The following GRIN2A variants were observed in gnomAD, a reference collection of about 807,000 sequenced individuals.
The protein encoded by GRIN2A is glutamate receptor ionotropic, NMDA 2A.
In GRIN2A, 22 loss-of-function variants were observed where a neutral mutation model predicts 113.4. The observed-to-expected ratio is 0.19, with a 90% confidence interval of 0.14 to 0.28. GRIN2A has a LOEUF of 0.28. Among genes scored for constraint, GRIN2A ranks in the 10% least tolerant of loss-of-function variants. The pLI is 1.00. For synonymous variants in GRIN2A, 827 were observed against 738.4 expected (o/e 1.12, Z -1.94); for missense variants, 1,502 against 1,887.0 (o/e 0.80, Z 3.78).
chr16:9,765,770 A>G (rs1471827851), intron 12 of GRIN2A, among the ~76,000 whole-genome samples: 1 of 152,170 alleles, frequency 6.6e-6, no homozygotes, highest in East Asian at 1.9e-4. Flanking sequence ...GAGTCTATTC[A>G]ATGTAGTTAG....
chr16:10,157,152 G>A (rs994973658), intron 2 of GRIN2A, among the ~76,000 whole-genome samples: 1 of 152,174 alleles, frequency 6.6e-6, no homozygotes, highest in Non-Finnish European at 1.5e-5. Context: ...TGGAATCAAA[G>A]CTCAGGTGGA....
chr16:9,797,126 A>C (rs2141226663), intron 11 of GRIN2A, among the ~76,000 whole-genome samples: 1 of 152,304 alleles, frequency 6.6e-6, no homozygotes, highest in East Asian at 1.9e-4. Flanking sequence ...GCCTATTTTG[A>C]TATTGCATTT....
intron 2 of GRIN2A, among the ~76,000 whole-genome samples, chr16:10,096,341 G>C (rs1487528685): frequency 6.6e-6 from 1 of 152,100 alleles, no homozygotes; most frequent in East Asian, 1.9e-4. Flanking sequence ...ACCACCCGGA[G>C]ACTTGTAACA....
intron 2 of GRIN2A, among the ~76,000 whole-genome samples, chr16:10,154,201 A>T (rs2049642053): frequency 6.6e-6 from 1 of 152,156 alleles, no homozygotes; most frequent in Non-Finnish European, 1.5e-5. Flanking sequence ...GCCATGCTCC[A>T]TCTGGGCCCA....
rs1900545212 is a variant in GRIN2A, at chr16:9,760,712, T to G, written c.*2437A>C. ...GTGGCATTTGGCAGCCCCCTGGGTTTAGAGGACACCAGAGGAAGACAGAAA... is the reference window on the plus strand; with the variant it reads ...GTGGCATTTGGCAGCCCCCTGGGTTGAGAGGACACCAGAGGAAGACAGAAA... On this transcript the variant is annotated 3_prime_UTR_variant, in exon 13 of 13. Coordinates refer to ENST00000330684, the MANE Select transcript of GRIN2A (RefSeq NM_001134407.3). 8.8e-6 allele frequency: 2 copies of G among 227,422 alleles called. No homozygotes were observed. The highest frequency in any genetic ancestry group is 1.7e-5 in the Non-Finnish European group (2 of 114,492). 14.1% of individuals were successfully genotyped at this position (227,422 alleles called of 1,614,324 possible).
At chr16:9,919,745 CTG>C (rs1280630859) in intron 3 of GRIN2A, among the ~76,000 whole-genome samples, 10 of 152,338 alleles carry the variant, frequency 6.6e-5, no homozygotes, top group African/African-American at 1.9e-4. Flanking sequence ...ATCGTGGTCT[CTG>C]AGGACCTAGA....
Position 9,761,374 on chromosome 16 carries a change from G to A in GRIN2A, c.*1775C>T, listed in dbSNP as rs150995003. ...CTTCAAGAATGTAAAGCAGAATGCA[G>A]GAGGAAACCAGGAAATGGCCAGGCG... On this transcript the variant is annotated 3_prime_UTR_variant, in exon 13 of 13. Transcript: ENST00000330684. 3 of 230,532 alleles carry A rather than the reference G, an allele frequency of 1.3e-5. No individual in the cohort carries two copies. Among genetic ancestry groups the A allele is most frequent in the Non-Finnish European group, 2.6e-5 (3 of 116,366 alleles). The allele number at this position is 230,532 out of a possible 1,614,324, so 14.3% of individuals were successfully genotyped here.
At chr16:9,996,745 A>G (rs2046230604) in intron 2 of GRIN2A, among the ~76,000 whole-genome samples, 1 of 152,196 alleles carries the variant, frequency 6.6e-6, no homozygotes, top group Admixed American at 6.5e-5. Flanking sequence ...ACACTACAGC[A>G]CCTAGCACAT....
chr16:9,765,143 A>G (rs1900835635), intron 12 of GRIN2A, among the ~76,000 whole-genome samples, 195 bp from the exon 13 acceptor site: 1 of 152,194 alleles, frequency 6.6e-6, no homozygotes, highest in Non-Finnish European at 1.5e-5. Context: ...GGTTTATCTT[A>G]TTGCTCTGGC....
At chr16:9,767,394 ATTTT>A (rs1046504024) in intron 12 of GRIN2A, among the ~76,000 whole-genome samples, 14 of 152,220 alleles carry the variant, frequency 9.2e-5, no homozygotes, top group Admixed American at 7.8e-4. Flanking sequence ...ATAAAATTAG[ATTTT>A]TATTTATTTA....
chr16:9,822,344 A>G lies in GRIN2A; in HGVS notation c.2088T>C (p.Asn696=), dbSNP rs1362853238. 2 of 1,611,724 alleles carry G rather than the reference A, an allele frequency of 1.2e-6. No individual in the cohort carries two copies. Among genetic ancestry groups the G allele is most frequent in the Non-Finnish European group, 1.7e-6 (2 of 1,177,928 alleles). ...PNGSTERNIR[N]NYPYMHQYMT... is the part of the protein sequence containing the mutation. ...TGTACTGATGCATGTAGGGATAGTT[A>G]TTCCGAATGTTTCTCTCCGTGCTTC... is the stretch of plus-strand genomic sequence containing the variant. The change falls in exon 10 of 13, where the codon AAT becomes AAC. Residue 696 remains asparagine, a synonymous_variant. Transcript: ENST00000330684.
At chr16:9,840,885 C>T (rs2042664615) in intron 6 of GRIN2A, 51 bp downstream of exon 6, 1 of 1,602,900 alleles carries the variant, frequency 6.2e-7, no homozygotes, top group African/African-American at 1.3e-5. Context: ...TTCCTGAGGA[C>T]TGCAGGCCCT....
chr16:9,971,641 G>A (rs928825874), intron 2 of GRIN2A, among the ~76,000 whole-genome samples: 1 of 152,184 alleles, frequency 6.6e-6, no homozygotes, highest in Non-Finnish European at 1.5e-5. Flanking sequence ...TGACATGTCA[G>A]TCTAACTTTA....
At chr16:9,804,502 C>A (rs1179033866) in intron 10 of GRIN2A, among the ~76,000 whole-genome samples, 1 of 151,984 alleles carries the variant, frequency 6.6e-6, no homozygotes, top group African/African-American at 2.4e-5. Context: ...ACCCAGGTAC[C>A]AGGGTTGTGT....
chr16:9,852,944 A>G (rs9934168), intron 4 of GRIN2A, among the ~76,000 whole-genome samples: 4,301 of 152,342 alleles, frequency 0.028, 193 homozygotes, highest in African/African-American at 0.096. Flanking sequence ...GTTTGCTTGC[A>G]TGAAATTTTT....
chr16:10,122,244 G>C (rs2142185170), intron 2 of GRIN2A, among the ~76,000 whole-genome samples: 1 of 152,260 alleles, frequency 6.6e-6, no homozygotes, highest in East Asian at 1.9e-4. Flanking sequence ...AAAAAACTCT[G>C]GCTACAGGAG....
chr16:9,806,427 A>AC (rs979974602), intron 10 of GRIN2A, among the ~76,000 whole-genome samples: 12 of 151,938 alleles, frequency 7.9e-5, no homozygotes, highest in Non-Finnish European at 1.5e-5. Flanking sequence ...TGTGTGGCTT[A>AC]TTTTTTTTAC....
chr16:9,994,425 G>T (rs541932374), intron 2 of GRIN2A, among the ~76,000 whole-genome samples: 1 of 152,172 alleles, frequency 6.6e-6, no homozygotes, highest in Non-Finnish European at 1.5e-5. Context: ...GAGGTGAAAT[G>T]AGAGAGTCTC....
In GRIN2A at chr16:10,059,926, G is replaced by A. The variant is rs1054957713; in HGVS notation, c.414+120072C>T. ...TACATAGGAGCCACTGGGACACAGAGAGAAAAGGAAAAGAGGAAGCCATTA... is the reference window on the plus strand; with the variant it reads ...TACATAGGAGCCACTGGGACACAGAAAGAAAAGGAAAAGAGGAAGCCATTA... On this transcript the variant is annotated intron_variant, in intron 2 of 12. Coordinates refer to ENST00000330684, the MANE Select transcript of GRIN2A (RefSeq NM_001134407.3). Among the ~76,000 whole-genome samples the A allele has an allele frequency of 2.0e-5, 3 of 152,100 alleles. No individual in the cohort carries two copies. The South Asian group carries it at 6.2e-4, about 32-fold the overall frequency.
Sources: allele counts gnomAD v4.1 joint callset (sites outside exome capture counted in the v4.1 genomes callset), GRCh38; gene constraint gnomAD v4.1.1; transcripts MANE v1.5; gene names NCBI Gene and HGNC (gene_info 2026-07-23, HGNC 2026-07-21).